PRKCH: variants seen among roughly 807,000 people sequenced by gnomAD.
PRKCH encodes protein kinase C eta.
In PRKCH, 28 loss-of-function variants were observed where a neutral mutation model predicts 82.5. The observed-to-expected ratio is 0.34, with a 90% CI of 0.25 to 0.47. The LOEUF is 0.47. PRKCH is among the 20% of genes least tolerant of loss of function. The pLI is 1.00. For synonymous variants in PRKCH, 322 were observed against 327.4 expected, an observed-to-expected ratio of 0.98 and a Z score of 0.18; for missense variants, 705 against 881.8, an observed-to-expected ratio of 0.80 and a Z score of 2.54.
chr14:61,193,422 G>A (rs2140033735), intron 1 of PRKCH, among the ~76,000 whole-genome samples: 1 of 151,886 alleles, frequency 6.6e-6, no homozygotes, highest in East Asian at 1.9e-4. Flanking sequence ...TGCTTTCTTA[G>A]CATGAAAAAT....
At chr14:61,256,326 T>C (rs748400160) in intron 1 of PRKCH, among the ~76,000 whole-genome samples, 2 of 152,168 alleles carry the variant, frequency 1.3e-5, no homozygotes, top group African/African-American at 2.4e-5. Context: ...TGACCTCCTT[T>C]AGCAAATAGA....
intron 1 of PRKCH, among the ~76,000 whole-genome samples, chr14:61,336,863 G>C (rs929314182): frequency 5.3e-5 from 8 of 151,988 alleles, no homozygotes; most frequent in Non-Finnish European, 1.5e-5. Flanking sequence ...GAGGTCTGGA[G>C]TTCGAGACCA....
At chr14:61,283,053 G>A (rs2045285950) in intron 1 of PRKCH, among the ~76,000 whole-genome samples, 1 of 149,850 alleles carries the variant, frequency 6.7e-6, no homozygotes, top group South Asian at 2.1e-4. Flanking sequence ...TTTTTTTTGA[G>A]AGAGAGGTGT....
rs1412157955 is a variant in PRKCH at position 61,263,891 on chromosome 14, GTGTGTA to G, written c.-19+76229_-19+76234del. 6.5e-3 allele frequency among the ~76,000 whole-genome samples: 853 copies of G among 131,424 alleles called. 12 individuals are homozygous for G. Among genetic ancestry groups the G allele is most frequent in the African/African-American group, 0.027 (817 of 30,648 alleles). The allele number at this position is 131,424 out of a possible 152,430, so 86.2% of individuals were successfully genotyped here. ...TGTGTGTGTGTGTGTGTGTGTGTGT[GTGTGTA>G]TGTGTGTGTACGCACGTGCATGTGC... On this transcript the variant is annotated intron_variant, in intron 1 of 3. Transcript: ENST00000555185.
intron 2 of PRKCH, chr14:61,442,538 C>G (rs1884026550): frequency 6.6e-6 from 1 of 152,294 alleles, no homozygotes; most frequent in South Asian, 2.1e-4. Context: ...CCTATCAGAA[C>G]CCTGGGAAAC....
intron 1 of PRKCH, among the ~76,000 whole-genome samples, chr14:61,198,859 T>C (rs537682870): frequency 2.6e-4 from 39 of 152,308 alleles, no homozygotes; most frequent in South Asian, 8.3e-4. Flanking sequence ...TTCACTATCA[T>C]CTTATATTTG....
chr14:61,314,664 G>A (rs759842798), intron 1 of PRKCH, among the ~76,000 whole-genome samples: 1 of 152,158 alleles, frequency 6.6e-6, no homozygotes, highest in Non-Finnish European at 1.5e-5. Context: ...AATAGTCATC[G>A]AAGGCTCTTC....
rs58552773 is a variant in PRKCH, at chr14:61,350,216, T to C, written c.363+27752T>C. On this transcript the variant is annotated intron_variant, in intron 1 of 13. Transcript: ENST00000332981. Reference sequence around the variant, plus strand: ...CACGTCTCCTCCCCTCTCCGGAATTTCAGGATTTGGATGCATGTGTACATT... The same window carrying C: ...CACGTCTCCTCCCCTCTCCGGAATTCCAGGATTTGGATGCATGTGTACATT... Among the ~76,000 whole-genome samples the C allele has an allele frequency of 4.3e-3, 652 of 152,302 alleles. 1 individual carries two copies. Among genetic ancestry groups the C allele is most frequent in the African/African-American group, 0.015 (623 of 41,572 alleles).
At chr14:61,331,685 T>C (rs1020209428) in intron 1 of PRKCH, among the ~76,000 whole-genome samples, 2 of 152,214 alleles carry the variant, frequency 1.3e-5, no homozygotes, top group Non-Finnish European at 2.9e-5. Flanking sequence ...CCCCGTTATA[T>C]TGTGAGGGGG....
chr14:61,248,164 G>T (rs1030792160), intron 1 of PRKCH, among the ~76,000 whole-genome samples: 2 of 152,046 alleles, frequency 1.3e-5, no homozygotes, highest in African/African-American at 4.8e-5. Context: ...ATATCCTCTA[G>T]ATGTCTTTAT....
At chr14:61,217,841 T>G (rs1373648357) in intron 1 of PRKCH, among the ~76,000 whole-genome samples, 2 of 152,222 alleles carry the variant, frequency 1.3e-5, no homozygotes, top group Non-Finnish European at 2.9e-5. Flanking sequence ...TGAAAACCCC[T>G]CTTCTACTTT....
rs1409959813 is a variant in PRKCH, at chr14:61,441,726, T to TA, written c.428-1384dup. On this transcript the variant is annotated intron_variant, in intron 2 of 13. Transcript: ENST00000332981. ...TTCTTTCTTTCAATTTTCTGCTTTG[T>TA]ATTTTTTTTTTTTTTTTTGCCAAAT... is the stretch of plus-strand genomic sequence containing the variant. Among the ~76,000 whole-genome samples the TA allele has an allele frequency of 6.4e-3, 919 of 143,674 alleles. 54 individuals are homozygous for TA. The East Asian group carries it at 0.14, about 22-fold the overall frequency. The allele number at this position is 143,674 out of a possible 152,430, so 94.3% of individuals were successfully genotyped here. A position where few individuals can be genotyped will look rare whatever the true frequency, so the allele number is the denominator to read the frequency against.
intron 1 of PRKCH, among the ~76,000 whole-genome samples, chr14:61,283,552 G>A (rs1274101604): frequency 2.0e-5 from 3 of 151,934 alleles, no homozygotes; most frequent in African/African-American, 4.8e-5. Flanking sequence ...TTTATTTTTT[G>A]GAGATGAGGT....
At chr14:61,413,410 C>CG (rs1435624508) in intron 2 of PRKCH, among the ~76,000 whole-genome samples, 4 of 69,756 alleles carry the variant, frequency 5.7e-5, no homozygotes, top group African/African-American at 1.8e-4. Flanking sequence ...AGCGCCCCCC[C>CG]CCCGCCCCGC....
Position 61,322,026 on chromosome 14 carries a change from C to G in PRKCH, c.-76C>G. 2 of 1,449,058 alleles carry G rather than the reference C, an allele frequency of 1.4e-6. No homozygotes were observed. Among genetic ancestry groups the G allele is most frequent in the Non-Finnish European group, 1.8e-6 (2 of 1,089,022 alleles). 89.8% of individuals were successfully genotyped at this position (1,449,058 alleles called of 1,614,324 possible). On this transcript the variant is annotated 5_prime_UTR_variant, in exon 1 of 14. Coordinates refer to ENST00000332981, the MANE Select transcript of PRKCH (RefSeq NM_006255.5). Reference sequence around the variant, plus strand: ...TCGACTCCTGCACCTGTCCCGAGGGCTGGCCTGAGACGGGACTCCCGGTTC... The same window carrying G: ...TCGACTCCTGCACCTGTCCCGAGGGGTGGCCTGAGACGGGACTCCCGGTTC...
chr14:61,291,266 A>T (rs1405248190), intron 1 of PRKCH, among the ~76,000 whole-genome samples: 5 of 151,928 alleles, frequency 3.3e-5, no homozygotes, highest in African/African-American at 1.2e-4. Context: ...ATTTAGAGCA[A>T]CTGGCCCTTC....
intron 2 of PRKCH, among the ~76,000 whole-genome samples, chr14:61,430,316 G>A (rs964782234): frequency 2.0e-5 from 3 of 152,176 alleles, no homozygotes; most frequent in Admixed American, 6.5e-5. Context: ...ACTAAATGTT[G>A]GTGAGACTGT....
At chr14:61,475,160 AC>A (rs1436529526) in intron 9 of PRKCH, among the ~76,000 whole-genome samples, 1 of 152,172 alleles carries the variant, frequency 6.6e-6, no homozygotes, top group African/African-American at 2.4e-5. Flanking sequence ...TGGTATTTTT[AC>A]TCTTTATCCT....
At chr14:61,273,473 T>TA (rs1198491673) in intron 1 of PRKCH, among the ~76,000 whole-genome samples, 1 of 152,176 alleles carries the variant, frequency 6.6e-6, no homozygotes, top group African/African-American at 2.4e-5. Flanking sequence ...TTACAGTAAG[T>TA]AAAAAATTCT....
Sources: gnomAD v4.1 joint callset for allele counts (sites outside exome capture counted in the v4.1 genomes callset) on GRCh38, gnomAD v4.1.1 for gene constraint, MANE v1.5 for transcripts, NCBI Gene and HGNC (gene_info 2026-07-23, HGNC 2026-07-21) for gene names.